DLGAP2: variants seen among roughly 807,000 people sequenced by gnomAD.
DLGAP2 encodes DLG associated protein 2.
DLGAP2 carries 26 observed loss-of-function variants against 100.3 expected under a neutral mutation model. The ratio of observed to expected loss-of-function variants is 0.26; its 90% CI spans 0.19 to 0.36. The LOEUF is 0.36. Among genes scored for constraint, DLGAP2 ranks in the 10% least tolerant of loss-of-function variants. The pLI is 1.00. For missense variants in DLGAP2, 1,858 were observed against 1,453.2 expected, an observed-to-expected ratio of 1.28 and a Z score of -4.53; for synonymous variants, 886 against 630.1, an observed-to-expected ratio of 1.41 and a Z score of -6.08.
At chr8:1,001,944 G>A (rs1481691852) in intron 2 of DLGAP2, among the ~76,000 whole-genome samples, 1 of 152,152 alleles carries the variant, frequency 6.6e-6, no homozygotes, top group Non-Finnish European at 1.5e-5. Flanking sequence ...CTTAAAAATG[G>A]TCATATGAAC....
chr8:745,047 C>G (rs979004423), intron 1 of DLGAP2, among the ~76,000 whole-genome samples: 3 of 152,222 alleles, frequency 2.0e-5, no homozygotes, highest in Non-Finnish European at 4.4e-5. Context: ...GTTGCATGAA[C>G]TCGTAAATAC....
chr8:1,532,340 A>G (rs1374092234), intron 4 of DLGAP2, among the ~76,000 whole-genome samples: 1 of 152,160 alleles, frequency 6.6e-6, no homozygotes, highest in Non-Finnish European at 1.5e-5. Context: ...TGCTTTATAA[A>G]TTTACCTGAC....
chr8:866,027 T>C (rs1451412875), intron 1 of DLGAP2, among the ~76,000 whole-genome samples: 1 of 152,190 alleles, frequency 6.6e-6, no homozygotes, highest in Admixed American at 6.5e-5. Context: ...TCTTTTTAAA[T>C]TTTTTATGGG....
intron 2 of DLGAP2, among the ~76,000 whole-genome samples, chr8:928,090 A>G (rs965295323): frequency 6.6e-6 from 1 of 152,182 alleles, no homozygotes; most frequent in African/African-American, 2.4e-5. Context: ...TCTTTGTGGC[A>G]GGTCCTGTGA....
intron 2 of DLGAP2, among the ~76,000 whole-genome samples, chr8:1,183,097 T>G (rs1797425817): frequency 6.6e-6 from 1 of 151,842 alleles, no homozygotes; most frequent in African/African-American, 2.4e-5. Context: ...ATGACACAAA[T>G]GCATTCACGT....
chr8:1,553,594 G>A (rs918520463), intron 5 of DLGAP2, among the ~76,000 whole-genome samples: 2 of 152,086 alleles, frequency 1.3e-5, no homozygotes, highest in Admixed American at 6.5e-5. Flanking sequence ...GAGGGGGTGC[G>A]ATGAAAACGG....
chr8:1,687,210 T>C (rs1160780224), intron 12 of DLGAP2, among the ~76,000 whole-genome samples: 1 of 152,162 alleles, frequency 6.6e-6, no homozygotes, highest in Non-Finnish European at 1.5e-5. Flanking sequence ...CCATCTCAAA[T>C]ATTAGAACAC....
chr8:1,138,212 C>G (rs920541456), intron 2 of DLGAP2, among the ~76,000 whole-genome samples: 2 of 152,226 alleles, frequency 1.3e-5, no homozygotes, highest in African/African-American at 4.8e-5. Flanking sequence ...TCCTGGGTGG[C>G]TTTCCTCAAT....
At chr8:816,883 C>T (rs1418404814) in intron 1 of DLGAP2, among the ~76,000 whole-genome samples, 1 of 152,072 alleles carries the variant, frequency 6.6e-6, no homozygotes, top group Non-Finnish European at 1.5e-5. Flanking sequence ...TAACACAGTC[C>T]CAAACTTCTT....
chr8:999,646 T>A (rs1311046399), intron 2 of DLGAP2, among the ~76,000 whole-genome samples: 1 of 151,832 alleles, frequency 6.6e-6, no homozygotes, highest in East Asian at 2.0e-4. Context: ...GCCTGGCTCA[T>A]TTTTTTGTAT....
At chr8:1,256,595 C>T (rs1799226277) in intron 2 of DLGAP2, among the ~76,000 whole-genome samples, 2 of 151,978 alleles carry the variant, frequency 1.3e-5, no homozygotes, top group Non-Finnish European at 2.9e-5. Flanking sequence ...ACTCTCCTGC[C>T]CGGGTGCTGT....
intron 2 of DLGAP2, among the ~76,000 whole-genome samples, chr8:1,097,670 C>G (rs1804428282): frequency 7.5e-6 from 1 of 133,184 alleles, no homozygotes; most frequent in Non-Finnish European, 1.6e-5. Flanking sequence ...GGCAGGCCTT[C>G]ACCCTCTGTG....
intron 4 of DLGAP2, among the ~76,000 whole-genome samples, chr8:1,544,512 G>C (rs77475568): frequency 0.03 from 4,635 of 152,154 alleles, 247 homozygotes; most frequent in African/African-American, 0.11. Context: ...AGTTCTCTGA[G>C]TGTTTTTATC....
rs554026676 is a variant in DLGAP2, at chr8:1,254,026, G to A, written c.74-4825G>A. ...CGAGAGGTGCGGAACCACAGTCTCT[G>A]ATCCATGTCTGAGTGAGCCGCCTCG... On this transcript the variant is annotated intron_variant, in intron 2 of 14. Coordinates refer to ENST00000637795, the MANE Select transcript of DLGAP2 (RefSeq NM_001346810.2). Among the ~76,000 whole-genome samples, 12 of 152,368 alleles carry A rather than the reference G, an allele frequency of 7.9e-5. No homozygotes were observed. The East Asian group carries it at 2.1e-3, about 27-fold the overall frequency.
intron 3 of DLGAP2, among the ~76,000 whole-genome samples, chr8:1,488,718 C>T (rs892912115): frequency 6.6e-6 from 1 of 152,202 alleles, no homozygotes; most frequent in East Asian, 1.9e-4. Context: ...ATCTCCAAAG[C>T]TCCTCCTCTG....
At chr8:781,076 C>T (rs1172091282) in intron 1 of DLGAP2, among the ~76,000 whole-genome samples, 1 of 152,110 alleles carries the variant, frequency 6.6e-6, no homozygotes, top group Non-Finnish European at 1.5e-5. Flanking sequence ...GTATAGATAA[C>T]CCCTTTTTTT....
intron 2 of DLGAP2, among the ~76,000 whole-genome samples, chr8:966,245 A>G (rs1247236516): frequency 6.6e-6 from 1 of 152,222 alleles, no homozygotes; most frequent in Non-Finnish European, 1.5e-5. Context: ...TTTCCCAGGA[A>G]GTGTTTACCA....
intron 2 of DLGAP2, among the ~76,000 whole-genome samples, chr8:1,181,688 T>G (rs1190439068): frequency 1.3e-5 from 2 of 152,082 alleles, no homozygotes; most frequent in African/African-American, 4.8e-5. Flanking sequence ...AACTTTAAAG[T>G]TAAATAAGAA....
At chr8:1,639,128 C>T (rs1797837628) in intron 8 of DLGAP2, among the ~76,000 whole-genome samples, 1 of 152,206 alleles carries the variant, frequency 6.6e-6, no homozygotes, top group Non-Finnish European at 1.5e-5. Flanking sequence ...CTTGCTAACC[C>T]AACTTCAAGA....
Sources: allele counts gnomAD v4.1 joint callset (sites outside exome capture counted in the v4.1 genomes callset), GRCh38; gene constraint gnomAD v4.1.1; transcripts MANE v1.5; gene names NCBI Gene and HGNC (gene_info 2026-07-23, HGNC 2026-07-21).